NIM1K: variants seen among roughly 807,000 people sequenced by gnomAD.
NIM1K encodes the protein NIM1 serine/threonine protein kinase.
NIM1K carries 35 observed loss-of-function variants against 37.1 expected under a neutral mutation model. The observed-to-expected ratio is 0.94, with a 90% CI of 0.72 to 1.25. The LOEUF is 1.25. NIM1K is among the 50% of genes most tolerant of loss of function. The pLI is 0.00. For synonymous variants in NIM1K, 234 were observed against 206.6 expected (o/e 1.13, Z -1.14); for missense variants, 564 against 548.0 (o/e 1.03, Z -0.29).
chr5:43,202,454 A>G (rs1217694012), intron 1 of NIM1K, among the ~76,000 whole-genome samples: 1 of 152,178 alleles, frequency 6.6e-6, no homozygotes, highest in Non-Finnish European at 1.5e-5. Flanking sequence ...CATCCCTGCC[A>G]CTGTCTCTTT....
chr5:43,238,269 C>T (rs1752649690), intron 1 of NIM1K, among the ~76,000 whole-genome samples: 1 of 151,858 alleles, frequency 6.6e-6, no homozygotes, highest in Non-Finnish European at 1.5e-5. Flanking sequence ...GTCTTGATCT[C>T]CTGACCTTGT....
intron 1 of NIM1K, among the ~76,000 whole-genome samples, chr5:43,208,803 G>A (rs1231956708): frequency 2.0e-5 from 3 of 152,146 alleles, no homozygotes; most frequent in Non-Finnish European, 4.4e-5. Flanking sequence ...ATCTTTGGGG[G>A]AAAGGGACTA....
In NIM1K at chr5:43,227,301, G is replaced by A. The variant is rs184965420; in HGVS notation, c.-694-17781G>A. Reference sequence around the variant, plus strand: ...CTTGAACCTGGGAGGCAGAGGTTGCGGTGAGCCGAGATTGCGCCATTGCAC... The same window carrying A: ...CTTGAACCTGGGAGGCAGAGGTTGCAGTGAGCCGAGATTGCGCCATTGCAC... On this transcript the variant is annotated intron_variant, in intron 1 of 3. Transcript: ENST00000326035. 1.7e-3 allele frequency among the ~76,000 whole-genome samples: 259 copies of A among 152,126 alleles called. 6 individuals carry two copies. Among genetic ancestry groups the A allele is most frequent in the African/African-American group, 5.9e-3 (245 of 41,528 alleles).
At chr5:43,227,186 C>T (rs1411097160) in intron 1 of NIM1K, among the ~76,000 whole-genome samples, 2 of 152,052 alleles carry the variant, frequency 1.3e-5, no homozygotes, top group Non-Finnish European at 2.9e-5. Flanking sequence ...CATGGAGAAA[C>T]CCTGTCTCTA....
chr5:43,267,507 G>A (rs931513150), intron 2 of NIM1K, among the ~76,000 whole-genome samples: 3 of 151,956 alleles, frequency 2.0e-5, no homozygotes, highest in African/African-American at 7.3e-5. Context: ...GGGTTCCTTT[G>A]TTCCTGTTTC....
intron 1 of NIM1K, chr5:43,232,173 T>C: frequency 9.2e-6 from 9 of 983,064 alleles, no homozygotes; most frequent in Non-Finnish European, 1.3e-5. Flanking sequence ...TGATTGATGG[T>C]GGCAATGGCA....
intron 1 of NIM1K, among the ~76,000 whole-genome samples, chr5:43,202,841 T>C (rs1752050973): frequency 6.6e-6 from 1 of 152,188 alleles, no homozygotes; most frequent in African/African-American, 2.4e-5. Flanking sequence ...TATTTTACAA[T>C]GTTCAGTGAC....
At chr5:43,277,418 G>T (rs1753362578) in intron 3 of NIM1K, 93 bp downstream of exon 3, 2 of 1,380,780 alleles carry the variant, frequency 1.4e-6, no homozygotes, top group African/African-American at 2.9e-5. Context: ...TGTCCCAGAG[G>T]GCTTTTGTCC....
chr5:43,265,111 C>T (rs530366166), intron 2 of NIM1K, among the ~76,000 whole-genome samples: 2 of 152,230 alleles, frequency 1.3e-5, no homozygotes, highest in African/African-American at 4.8e-5. Flanking sequence ...TTGCTCTTTT[C>T]GAGGAGTATC....
chr5:43,277,813 T>TGAGA (rs1213115540), intron 3 of NIM1K, among the ~76,000 whole-genome samples: 28 of 144,006 alleles, frequency 1.9e-4, no homozygotes, highest in African/African-American at 6.0e-4. Flanking sequence ...TGTGTGTGTG[T>TGAGA]GTGAGAGAGA....
intron 1 of NIM1K, chr5:43,232,857 T>G: frequency 9.4e-7 from 1 of 1,066,816 alleles, no homozygotes; most frequent in Non-Finnish European, 1.5e-6. Flanking sequence ...TGTAGTGCCT[T>G]CAGGCATAGT....
chr5:43,232,359 A>G, intron 1 of NIM1K: 1 of 1,344,856 alleles, frequency 7.4e-7, no homozygotes, highest in Non-Finnish European at 1.1e-6. Flanking sequence ...GACAGGGCAT[A>G]TGTGTCCAGA....
At chr5:43,237,079 C>T (rs1471862898) in intron 1 of NIM1K, among the ~76,000 whole-genome samples, 2 of 152,196 alleles carry the variant, frequency 1.3e-5, no homozygotes, top group African/African-American at 2.4e-5. Flanking sequence ...AGGATTATAA[C>T]TGAGGACTAG....
Position 43,251,452 on chromosome 5 carries a change from A to G in NIM1K, c.292+5385A>G, listed in dbSNP as rs576574116. Among the ~76,000 whole-genome samples the G allele has an allele frequency of 5.3e-5, 8 of 152,314 alleles. No homozygotes were observed. The South Asian group carries it at 1.7e-3, about 32-fold the overall frequency. On this transcript the variant is annotated intron_variant, in intron 2 of 3. Coordinates refer to ENST00000326035, the MANE Select transcript of NIM1K (RefSeq NM_153361.4). ...TTCCACTTTGGGAAGCACTGACATC[A>G]TCTAGTCCTTCCATGTTTTACAAAC...
In NIM1K at chr5:43,266,969, G is replaced by C. The variant is rs1177526225; in HGVS notation, c.293-10088G>C. ...CAGGGTGATACTGGCTTCATAGAAT[G>C]AGTTTGGGAGGATTTTCTCTTTCTC... is the stretch of plus-strand genomic sequence containing the variant. On this transcript the variant is annotated intron_variant, in intron 2 of 3. Transcript: ENST00000326035. 1.3e-5 allele frequency among the ~76,000 whole-genome samples: 2 copies of C among 152,150 alleles called. 1 individual carries two copies. Among genetic ancestry groups the C allele is most frequent in the African/African-American group, 4.8e-5 (2 of 41,426 alleles).
Position 43,227,345 on chromosome 5 carries a change from C to T in NIM1K, c.-694-17737C>T, listed in dbSNP as rs112571376. Among the ~76,000 whole-genome samples the T allele has an allele frequency of 4.7e-3, 708 of 151,656 alleles. 2 individuals are homozygous for T. Among genetic ancestry groups the T allele is most frequent in the Non-Finnish European group, 8.1e-3 (548 of 67,926 alleles). On this transcript the variant is annotated intron_variant, in intron 1 of 3. Transcript: ENST00000326035. ...ATTGCACTCCAGCCTGGAGACAGAG[C>T]GAGACTCCGTTTCAAAAGAAAAAAA...
intron 2 of NIM1K, among the ~76,000 whole-genome samples, chr5:43,254,892 TC>T (rs1346994708): frequency 6.6e-6 from 1 of 152,068 alleles, no homozygotes; most frequent in Non-Finnish European, 1.5e-5. Context: ...AAAAATTGAT[TC>T]CCCCCTCTTG....
At chr5:43,249,216 CCCG>C (rs1378892901) in intron 2 of NIM1K, among the ~76,000 whole-genome samples, 1 of 151,884 alleles carries the variant, frequency 6.6e-6, no homozygotes, top group Non-Finnish European at 1.5e-5. Flanking sequence ...ACTACAGGTG[CCCG>C]CCACCACGCC....
intron 1 of NIM1K, among the ~76,000 whole-genome samples, chr5:43,234,088 A>AC (rs1293238827): frequency 6.6e-6 from 1 of 152,210 alleles, no homozygotes; most frequent in African/African-American, 2.4e-5. Context: ...ATGTTTACTT[A>AC]AATACACAGT....
Sources: gnomAD v4.1 joint callset for allele counts (sites outside exome capture counted in the v4.1 genomes callset) on GRCh38, gnomAD v4.1.1 for gene constraint, MANE v1.5 for transcripts, NCBI Gene and HGNC (gene_info 2026-07-23, HGNC 2026-07-21) for gene names.